PADI2: variants seen among roughly 807,000 people sequenced by gnomAD.
PADI2 encodes protein-arginine deiminase type-2.
PADI2 carries 70 observed loss-of-function variants against 81.1 expected under a neutral mutation model. The ratio of observed to expected loss-of-function variants is 0.86; its 90% CI spans 0.71 to 1.05. The LOEUF (loss-of-function observed/expected upper bound fraction) is 1.05. Among genes scored for constraint, PADI2 ranks in the 50% least tolerant of loss-of-function variants. The probability of loss-of-function intolerance (pLI) is 0.00; values close to 1 mark genes in which losing one functional copy is unlikely to be tolerated. For synonymous variants in PADI2, 338 were observed against 358.0 expected, an observed-to-expected ratio of 0.94 and a Z score of 0.63; for missense variants, 853 against 889.9, an observed-to-expected ratio of 0.96 and a Z score of 0.53.
chr1:17,077,451 G>A (rs1045930135), intron 11 of PADI2, among the ~76,000 whole-genome samples: 1 of 152,134 alleles, frequency 6.6e-6, no homozygotes, highest in African/African-American at 2.4e-5. Context: ...TGAGCTCCTC[G>A]AGGGGGTTCA....
chr1:17,073,564 A>C (rs2078279199), intron 13 of PADI2, among the ~76,000 whole-genome samples: 3 of 152,306 alleles, frequency 2.0e-5, no homozygotes, highest in Admixed American at 2.0e-4. Flanking sequence ...ACAATAAAAA[A>C]CATGTTGGAC....
Position 17,119,352 on chromosome 1 carries a change from A to G in PADI2, c.20T>C (p.Val7Ala). 6.5e-7 allele frequency: 1 copy of G among 1,541,890 alleles called. No homozygotes were observed. The highest frequency in any genetic ancestry group is 8.7e-7 in the Non-Finnish European group (1 of 1,144,236). ...CACGCGGCTCCCGTACTGCAGCCGC[A>G]CGGTCCGCTCGCGCAGCATCCTCCC... MLRERT[V>A]RLQYGSRVEA... Residue 7 changes from valine (V) to alanine (A), a missense_variant, in exon 1 of 16, where the codon GTG (valine) becomes GCG (alanine). Val to Ala is a moderately conservative substitution (Grantham distance 64). Transcript: ENST00000375486. The surrounding 1 kb of genome is among the most constrained non-coding windows in gnomAD (Gnocchi z 4.8).
chr1:17,094,645 G>A lies in PADI2; in HGVS notation c.412-961C>T, dbSNP rs547192994. On this transcript the variant is annotated intron_variant, in intron 4 of 15. Coordinates refer to ENST00000375486, the MANE Select transcript of PADI2 (RefSeq NM_007365.3). ...TTCTCTTGTTCTTTCTGTGTCCCCT[G>A]GGCCTGACCCGCTCCTGGAACATAA... is the stretch of plus-strand genomic sequence containing the variant. Among the ~76,000 whole-genome samples, 498 of 152,280 alleles carry A rather than the reference G, an allele frequency of 3.3e-3. 1 individual carries two copies. Among genetic ancestry groups the A allele is most frequent in the Middle Eastern group, 6.8e-3 (2 of 294 alleles).
At chr1:17,088,596 C>T (rs1195514065) in intron 6 of PADI2, among the ~76,000 whole-genome samples, 2 of 152,038 alleles carry the variant, frequency 1.3e-5, no homozygotes, top group Non-Finnish European at 2.9e-5. Context: ...TTAAATACTT[C>T]TCTGGCTTTA....
intron 12 of PADI2, 52 bp from the exon 13 acceptor site, chr1:17,075,001 G>T: frequency 8.4e-7 from 1 of 1,186,318 alleles, no homozygotes; most frequent in East Asian, 2.4e-5. Flanking sequence ...GGCACCCAAG[G>T]AGCACGGGGA....
chr1:17,116,023 T>C (rs1228570603), intron 1 of PADI2, among the ~76,000 whole-genome samples: 2 of 150,390 alleles, frequency 1.3e-5, no homozygotes, highest in African/African-American at 4.8e-5. Context: ...TGACCCCTCA[T>C]AGGGCAGCAT....
intron 14 of PADI2, among the ~76,000 whole-genome samples, chr1:17,070,605 A>AT (rs2078258760): frequency 1.3e-5 from 2 of 152,338 alleles, no homozygotes; most frequent in African/African-American, 4.8e-5. Context: ...TTCTAAGCGC[A>AT]TTACATAGAT....
At position 17,068,956 on chromosome 1, in the gene PADI2, C is replaced by G. The variant is rs758276308; in HGVS notation, c.*88G>C. ...CCCAAAGGTCTCCCAGCGGGGCTGT[C>G]CAGTCCATGTCAGCAGAAGGCTCTG... On this transcript the variant is annotated 3_prime_UTR_variant, in exon 16 of 16. Coordinates refer to ENST00000375486, the MANE Select transcript of PADI2 (RefSeq NM_007365.3). 3.8e-6 allele frequency: 4 copies of G among 1,049,234 alleles called. No homozygotes were observed. Among genetic ancestry groups the G allele is most frequent in the Non-Finnish European group, 6.0e-6 (4 of 671,986 alleles). The allele number at this position is 1,049,234 out of a possible 1,614,324, so 65.0% of individuals were successfully genotyped here.
chr1:17,092,968 A>AAAAAAG (rs1274418112), intron 5 of PADI2, among the ~76,000 whole-genome samples: 1 of 151,738 alleles, frequency 6.6e-6, no homozygotes, highest in East Asian at 1.9e-4. Context: ...AAAAAAGAAA[A>AAAAAAG]AAAAAGAAAA....
chr1:17,069,499 G>A (rs2078249567), intron 15 of PADI2, among the ~76,000 whole-genome samples: 1 of 152,234 alleles, frequency 6.6e-6, no homozygotes, highest in Non-Finnish European at 1.5e-5. Context: ...ATTCACATAT[G>A]TCTGTACATG....
chr1:17,105,146 A>G (rs1177262458), intron 1 of PADI2, 85 bp from the exon 2 acceptor site: 1 of 988,942 alleles, frequency 1.0e-6, no homozygotes, highest in Non-Finnish European at 1.4e-6. Context: ...TGCTTCCAGC[A>G]CTTTGGGAGG....
Position 17,086,719 on chromosome 1 carries a change from C to T in PADI2, c.656-20G>A, listed in dbSNP as rs1243496117. ...ACGGGTCTGGAGGGAAAAGGACCAA[C>T]GTCAGACTCCCACCCGCATCAGAAA... is the stretch of plus-strand genomic sequence containing the variant. On this transcript the variant is annotated intron_variant, in intron 6 of 15. Transcript: ENST00000375486. 18 of 1,605,706 alleles carry T rather than the reference C, an allele frequency of 1.1e-5. No individual in the cohort carries two copies. Among genetic ancestry groups the T allele is most frequent in the Middle Eastern group, 1.7e-4 (1 of 6,014 alleles).
intron 3 of PADI2, among the ~76,000 whole-genome samples, chr1:17,099,426 C>T (rs938290904): frequency 6.6e-6 from 1 of 152,128 alleles, no homozygotes; most frequent in Non-Finnish European, 1.5e-5. Context: ...CCCCATCCCT[C>T]CCAAAAAATG....
chr1:17,069,506 C>T (rs2078249617), intron 15 of PADI2, among the ~76,000 whole-genome samples: 1 of 152,216 alleles, frequency 6.6e-6, no homozygotes, highest in South Asian at 2.1e-4. Flanking sequence ...TATGTCTGTA[C>T]ATGTATGTAT....
intron 6 of PADI2, 130 bp downstream of exon 6, chr1:17,092,278 C>T: frequency 6.2e-6 from 4 of 646,310 alleles, no homozygotes; most frequent in Non-Finnish European, 1.0e-5. Flanking sequence ...ACAGCATTGC[C>T]ATGTTACAAT....
intron 3 of PADI2, among the ~76,000 whole-genome samples, chr1:17,099,773 G>A (rs920807471): frequency 1.3e-5 from 2 of 152,188 alleles, no homozygotes; most frequent in African/African-American, 4.8e-5. Flanking sequence ...CGGGCCCTTC[G>A]CACACAACAT....
chr1:17,075,626 A>G, intron 12 of PADI2, 53 bp downstream of exon 12: 1 of 1,511,158 alleles, frequency 6.6e-7, no homozygotes, highest in Non-Finnish European at 9.0e-7. Context: ...GGGGCGGGTA[A>G]TATATTGGTT....
In PADI2 at chr1:17,119,158, G is replaced by T; in HGVS notation, c.92+122C>A. 1.6e-6 allele frequency: 1 copy of T among 643,972 alleles called. No individual in the cohort carries two copies. The highest frequency in any genetic ancestry group is 2.1e-5 in the South Asian group (1 of 46,906). 39.9% of individuals were successfully genotyped at this position (643,972 alleles called of 1,614,324 possible). A position where few individuals can be genotyped will look rare whatever the true frequency, so the allele number is the denominator to read the frequency against. On this transcript the variant is annotated intron_variant, in intron 1 of 15. Transcript: ENST00000375486. This position sits in a 1 kb window ranked among gnomAD's most constrained non-coding sequence, Gnocchi z 4.8. Reference sequence around the variant, plus strand: ...TGAGATTCTTAGGATTTCTGGGCTCGGGGGCTCGGGATGAGGGACAACTCG... The same window carrying T: ...TGAGATTCTTAGGATTTCTGGGCTCTGGGGCTCGGGATGAGGGACAACTCG...
chr1:17,097,605 G>A (rs1458199532), intron 3 of PADI2, among the ~76,000 whole-genome samples: 3 of 152,300 alleles, frequency 2.0e-5, no homozygotes, highest in East Asian at 1.9e-4. Flanking sequence ...CTCTCAAGGC[G>A]TCCACAGTCC....
Sources: allele counts gnomAD v4.1 joint callset (sites outside exome capture counted in the v4.1 genomes callset), GRCh38; gene constraint gnomAD v4.1.1; non-coding constraint Gnocchi (gnomAD v3.1); transcripts MANE v1.5; gene names NCBI Gene and HGNC (gene_info 2026-07-23, HGNC 2026-07-21).